Variants in SUPT6H observed in about 807,000 individuals in gnomAD.
SUPT6H encodes SPT6 homolog, histone chaperone and transcription elongation factor.
SUPT6H carries 11 observed loss-of-function variants against 222.3 expected under a neutral mutation model. The ratio of observed to expected loss-of-function variants is 0.05; its 90% CI spans 0.03 to 0.08. SUPT6H has a LOEUF of 0.08. Ranked by LOEUF, SUPT6H falls within the 10% of genes least tolerant of loss-of-function variation. The pLI, the probability that SUPT6H is intolerant of heterozygous loss-of-function variation, is 1.00. For synonymous variants in SUPT6H, 762 were observed against 801.2 expected (o/e 0.95, Z 0.83); for missense variants, 1,422 against 2,216.0 (o/e 0.64, Z 7.19).
rs559279974 is a variant in SUPT6H, at chr17:28,690,210, A to G, written c.3471A>G (p.Thr1157=). The change falls in exon 26 of 37, where the codon ACA becomes ACG. Residue 1157 remains threonine (T), a synonymous_variant. Coordinates refer to ENST00000314616, the MANE Select transcript of SUPT6H (RefSeq NM_003170.5). ...EEIFNMLTKE[T]PETFYIGKLI... Reference sequence around the variant, plus strand: ...TCTTCAATATGTTAACCAAAGAAACACCAGAGACCTTCTACATTGGTAAAT... The same window carrying G: ...TCTTCAATATGTTAACCAAAGAAACGCCAGAGACCTTCTACATTGGTAAAT... 1.9e-6 allele frequency: 3 copies of G among 1,613,924 alleles called. No individual in the cohort carries two copies. The highest frequency in any genetic ancestry group is 2.5e-6 in the Non-Finnish European group (3 of 1,180,004).
At chr17:28,663,828 A>ATTGTTTTTTTTTTT (rs2072113524) in intron 1 of SUPT6H, among the ~76,000 whole-genome samples, 1 of 38,374 alleles carries the variant, frequency 2.6e-5, no homozygotes, top group Non-Finnish European at 4.7e-5. Flanking sequence ...TGCCCACTCC[A>ATTGTTTTTTTTTTT]TTTTTTTTTT....
chr17:28,699,819 A>G lies in SUPT6H; in HGVS notation c.4487A>G (p.Tyr1496Cys). The G allele has an allele frequency of 6.2e-7, 1 of 1,614,222 alleles. No homozygotes were observed. The highest frequency in any genetic ancestry group is 8.5e-7 in the Non-Finnish European group (1 of 1,180,032). ...ACGGTGACTCCAGAGGGATTCCGGTACCGGGGCCAGATCTTCCCAACCGTG... is the reference window on the plus strand; with the variant it reads ...ACGGTGACTCCAGAGGGATTCCGGTGCCGGGGCCAGATCTTCCCAACCGTG... The part of the protein sequence containing the change: ...YVTVTPEGFR[Y>C]RGQIFPTVNG... The change falls in exon 33 of 37, where the codon TAC becomes TGC. Residue 1496 changes from tyrosine (Y) to cysteine (C), a missense_variant. Physicochemically the swap from Tyr to Cys is radical, Grantham distance 194 (BLOSUM62 -2). Transcript: ENST00000314616.
chr17:28,684,994 A>G lies in SUPT6H; in HGVS notation c.2487+33A>G, dbSNP rs748955617. On this transcript the variant is annotated intron_variant, in intron 19 of 36. Coordinates refer to ENST00000314616, the MANE Select transcript of SUPT6H (RefSeq NM_003170.5). ...GCTAGGACGAGGATACTAAGTGTAC[A>G]TCTGGAGTATGTCTTATGATTCAGT... 47 of 1,575,618 alleles carry G rather than the reference A, an allele frequency of 3.0e-5. No individual in the cohort carries two copies. The highest frequency in any genetic ancestry group is 3.8e-5 in the Non-Finnish European group (44 of 1,149,646).
At position 28,699,837 on chromosome 17, in the gene SUPT6H, C is replaced by A; in HGVS notation, c.4505C>A (p.Pro1502Gln). The A allele has an allele frequency of 6.2e-7, 1 of 1,614,224 alleles. No homozygotes were observed. The highest frequency in any genetic ancestry group is 1.1e-5 in the South Asian group (1 of 91,080). ...TTCCGGTACCGGGGCCAGATCTTCCCAACCGTGAATGGACTGTTTAGATGG... is the reference window on the plus strand; with the variant it reads ...TTCCGGTACCGGGGCCAGATCTTCCAAACCGTGAATGGACTGTTTAGATGG... ...EGFRYRGQIFPTVNGLFRWFK... is the reference protein window; with the variant it reads ...EGFRYRGQIFQTVNGLFRWFK... Residue 1502 changes from proline to glutamine, a missense_variant, in exon 33 of 37, where the codon CCA (proline) becomes CAA (glutamine). Physicochemically the swap from Pro to Gln is moderately conservative, Grantham distance 76 (BLOSUM62 -1). Coordinates refer to ENST00000314616, the MANE Select transcript of SUPT6H (RefSeq NM_003170.5).
chr17:28,693,594 T>G, intron 27 of SUPT6H, 102 bp from the exon 28 acceptor site: 1 of 1,361,522 alleles, frequency 7.3e-7, no homozygotes, highest in Non-Finnish European at 1.0e-6. Context: ...TGGTGCAAGG[T>G]GTCAATGGTA....
At position 28,687,445 on chromosome 17, in the gene SUPT6H, C is replaced by A; in HGVS notation, c.2980C>A (p.Pro994Thr). ...GATCCAGTATGTTTGTGGCCTGGGA[C>A]CTCGGAAAGGGACCCACCTCCTGAA... is the stretch of plus-strand genomic sequence containing the variant. ...ALIQYVCGLG[P>T]RKGTHLLKIL... Residue 994 changes from proline to threonine, a missense_variant, in exon 23 of 37, where the codon CCT becomes ACT. Coordinates refer to ENST00000314616, the MANE Select transcript of SUPT6H (RefSeq NM_003170.5). The A allele has an allele frequency of 6.2e-7, 1 of 1,614,076 alleles. No homozygotes were observed. Among genetic ancestry groups the A allele is most frequent in the African/African-American group, 1.3e-5 (1 of 75,008 alleles).
At chr17:28,676,586 G>A (rs1321745337) in intron 7 of SUPT6H, among the ~76,000 whole-genome samples, 156 bp downstream of exon 7, 5 of 152,206 alleles carry the variant, frequency 3.3e-5, no homozygotes, top group Admixed American at 2.6e-4. Context: ...AGGGAAGATA[G>A]ACTCTACCTT....
chr17:28,676,590 C>G (rs1459307067), intron 7 of SUPT6H, among the ~76,000 whole-genome samples, 160 bp downstream of exon 7: 1 of 152,210 alleles, frequency 6.6e-6, no homozygotes, highest in East Asian at 1.9e-4. Flanking sequence ...AAGATAGACT[C>G]TACCTTGCTT....
chr17:28,692,901 A>T (rs369161378), intron 27 of SUPT6H, among the ~76,000 whole-genome samples: 20 of 126,000 alleles, frequency 1.6e-4, no homozygotes, highest in African/African-American at 2.4e-4. Flanking sequence ...CTCGGGAGGC[A>T]GAGGCAGGAG....
At chr17:28,664,805 A>G (rs542946408) in intron 1 of SUPT6H, among the ~76,000 whole-genome samples, 1 of 152,210 alleles carries the variant, frequency 6.6e-6, no homozygotes, top group Non-Finnish European at 1.5e-5. Flanking sequence ...TGGTGCTCCT[A>G]TCCGCAGGGT....
chr17:28,678,672 G>A (rs1410258293), intron 10 of SUPT6H, 38 bp downstream of exon 10: 2 of 1,610,170 alleles, frequency 1.2e-6, no homozygotes, highest in African/African-American at 1.3e-5. Flanking sequence ...GTGTGGGCCA[G>A]GGAAGGCACC....
Position 28,693,613 on chromosome 17 carries a change from T to C in SUPT6H, c.3634-83T>C. ...GCAAGGTGTCAATGGTAAAAGAAAT[T>C]ACAACACCTCTGGGAGCTCTTTTCT... On this transcript the variant is annotated intron_variant, in intron 27 of 36. Coordinates refer to ENST00000314616, the MANE Select transcript of SUPT6H (RefSeq NM_003170.5). 4.6e-6 allele frequency: 7 copies of C among 1,536,240 alleles called. No individual in the cohort carries two copies. In the South Asian group the frequency reaches 8.2e-5, roughly 18 times the overall value.
chr17:28,685,472 CATTATTATT>C (rs3076012), intron 19 of SUPT6H, among the ~76,000 whole-genome samples: 47 of 144,352 alleles, frequency 3.3e-4, no homozygotes, highest in Admixed American at 9.7e-4. Context: ...TTATTATTAT[CATTATTATT>C]ATTATTATTA....
intron 19 of SUPT6H, 112 bp downstream of exon 19, chr17:28,685,073 G>T: frequency 9.6e-7 from 1 of 1,044,966 alleles, no homozygotes; most frequent in Non-Finnish European, 1.4e-6. Context: ...GATTGTGTCT[G>T]ATCTGGTCAC....
intron 6 of SUPT6H, 88 bp downstream of exon 6, chr17:28,675,573 G>A (rs2030696891): frequency 1.7e-5 from 24 of 1,402,150 alleles, no homozygotes; most frequent in Middle Eastern, 2.0e-4. Context: ...GCCAAAAATG[G>A]GGCATTCCCA....
chr17:28,679,691 A>T (rs971450167), intron 11 of SUPT6H, among the ~76,000 whole-genome samples: 1 of 151,598 alleles, frequency 6.6e-6, no homozygotes, highest in Non-Finnish European at 1.5e-5. Flanking sequence ...ATCCTGTCTC[A>T]TAAGAAAAAG....
chr17:28,700,560 A>G, intron 35 of SUPT6H, 48 bp downstream of exon 35: 1 of 1,589,916 alleles, frequency 6.3e-7, no homozygotes, highest in Non-Finnish European at 8.6e-7. Flanking sequence ...GGGCCCATAG[A>G]CTGCCCTCTC....
intron 25 of SUPT6H, 83 bp downstream of exon 25, chr17:28,689,644 G>A: frequency 7.8e-7 from 1 of 1,287,054 alleles, no homozygotes; most frequent in Non-Finnish European, 1.1e-6. Context: ...TGAGTGTGCA[G>A]AGAAAGCCTG....
chr17:28,677,694 C>G (rs1007584749), intron 7 of SUPT6H, 21 bp from the exon 8 acceptor site: 2 of 1,585,638 alleles, frequency 1.3e-6, no homozygotes, highest in Non-Finnish European at 1.7e-6. Context: ...CCGTCTCACC[C>G]TGTTGTCTTA....
Sources: allele counts gnomAD v4.1 joint callset (sites outside exome capture counted in the v4.1 genomes callset), GRCh38; gene constraint gnomAD v4.1.1; transcripts MANE v1.5; gene names NCBI Gene and HGNC (gene_info 2026-07-23, HGNC 2026-07-21).